The following GPR141 variants were observed in gnomAD, a reference collection of about 807,000 sequenced individuals.
GPR141 encodes the protein G protein-coupled receptor 141.
Under a neutral mutation model 6.8 loss-of-function variants are expected in GPR141, and 6 were observed. That is an observed-to-expected ratio of 0.88 (90% CI 0.48 to 1.74). The LOEUF (loss-of-function observed/expected upper bound fraction) is 1.74, where lower values mean the gene tolerates loss of function less well. Ranked by LOEUF, GPR141 falls within the 40% of genes most tolerant of loss-of-function variation. GPR141 has a pLI of 0.01. For missense variants in GPR141, 372 were observed against 372.9 expected (o/e 1.00, Z 0.02); for synonymous variants, 140 against 142.3 (o/e 0.98, Z 0.11).
At chr7:37,736,589 TG>T (rs1418343752) in intron 2 of GPR141, among the ~76,000 whole-genome samples, 1 of 150,594 alleles carries the variant, frequency 6.6e-6, no homozygotes, top group African/African-American at 2.4e-5. Context: ...ATAGAAGCAA[TG>T]GCAATATTGA....
At chr7:37,707,366 A>G (rs1424396140) in intron 2 of GPR141, among the ~76,000 whole-genome samples, 2 of 152,146 alleles carry the variant, frequency 1.3e-5, no homozygotes, top group Non-Finnish European at 2.9e-5. Flanking sequence ...CAAGTGGTAT[A>G]TATCCCACTG....
rs1812162154 is a variant in GPR141, at chr7:37,734,942, A to G, written c.-14-5438A>G. Among the ~76,000 whole-genome samples, 3 of 152,244 alleles carry G rather than the reference A, an allele frequency of 2.0e-5. No individual in the cohort carries two copies. In the South Asian group the frequency reaches 6.2e-4, roughly 31 times the overall value. On this transcript the variant is annotated intron_variant, in intron 2 of 2. Transcript: ENST00000334425. Reference sequence around the variant, plus strand: ...TGTACAAATAACAGTACTATAACATATTTACATTATAATTGAAATTTATAA... The same window carrying G: ...TGTACAAATAACAGTACTATAACATGTTTACATTATAATTGAAATTTATAA...
intron 2 of GPR141, among the ~76,000 whole-genome samples, chr7:37,694,891 A>G (rs79817074): frequency 0.037 from 5,670 of 152,242 alleles, 351 homozygotes; most frequent in African/African-American, 0.13. Context: ...TCAAATATCC[A>G]AACTACAGCT....
At chr7:37,698,655 AT>A (rs1169312960) in intron 2 of GPR141, among the ~76,000 whole-genome samples, 1 of 152,180 alleles carries the variant, frequency 6.6e-6, no homozygotes, top group Non-Finnish European at 1.5e-5. Flanking sequence ...AAAAGGGGGT[AT>A]TTGGTATTTT....
chr7:37,733,705 A>T (rs573495613), intron 2 of GPR141, among the ~76,000 whole-genome samples: 1 of 151,812 alleles, frequency 6.6e-6, no homozygotes, highest in South Asian at 2.1e-4. Flanking sequence ...AGAAAAGAAA[A>T]AAAAAGTATT....
intron 2 of GPR141, among the ~76,000 whole-genome samples, chr7:37,739,141 C>A (rs964518858): frequency 6.6e-6 from 1 of 152,140 alleles, no homozygotes; most frequent in South Asian, 2.1e-4. Flanking sequence ...GTTTGAGATT[C>A]ATCAGTATTG....
chr7:37,701,131 C>T (rs1300441194), intron 2 of GPR141, among the ~76,000 whole-genome samples: 1 of 152,174 alleles, frequency 6.6e-6, no homozygotes, highest in Non-Finnish European at 1.5e-5. Context: ...GGGGACAATA[C>T]ATCTTATGAT....
intron 2 of GPR141, among the ~76,000 whole-genome samples, chr7:37,703,443 C>G (rs1173958805): frequency 3.9e-5 from 6 of 152,104 alleles, no homozygotes; most frequent in Non-Finnish European, 8.8e-5. Flanking sequence ...CAGCTATTAT[C>G]TCTCAAAAAA....
At chr7:37,736,964 T>C (rs969130895) in intron 2 of GPR141, among the ~76,000 whole-genome samples, 2 of 151,796 alleles carry the variant, frequency 1.3e-5, no homozygotes, top group African/African-American at 4.9e-5. Flanking sequence ...ATTAGATATG[T>C]AGAAATAAAA....
intron 2 of GPR141, among the ~76,000 whole-genome samples, chr7:37,690,433 C>T (rs1229211928): frequency 1.3e-5 from 2 of 152,104 alleles, no homozygotes; most frequent in Non-Finnish European, 2.9e-5. Flanking sequence ...GTCCTTTCCC[C>T]TTTCACAGTG....
chr7:37,730,226 C>T (rs1033885850), intron 2 of GPR141, among the ~76,000 whole-genome samples: 1 of 152,138 alleles, frequency 6.6e-6, no homozygotes, highest in East Asian at 1.9e-4. Context: ...CATGAATTCA[C>T]TGAATCATTG....
chr7:37,728,541 G>A (rs756247308), intron 2 of GPR141, among the ~76,000 whole-genome samples: 3 of 152,018 alleles, frequency 2.0e-5, no homozygotes, highest in African/African-American at 7.2e-5. Flanking sequence ...CTCTGATGTT[G>A]GCTCTACCAT....
At position 37,741,396 on chromosome 7, in the gene GPR141, T is replaced by C. The variant is rs1812558515; in HGVS notation, c.*85T>C. The stretch of plus-strand genomic sequence containing the variant: ...GGAGGTAAGAATGGTATTTCATTAC[T>C]TGATCAAAACCATGCCTTGATGTAC... On this transcript the variant is annotated 3_prime_UTR_variant, in exon 3 of 3. Transcript: ENST00000334425. 1 of 1,043,018 alleles carries C rather than the reference T, an allele frequency of 9.6e-7. No individual in the cohort carries two copies. The highest frequency in any genetic ancestry group is 1.4e-6 in the Non-Finnish European group (1 of 717,346). 64.6% of individuals were successfully genotyped at this position (1,043,018 alleles called of 1,614,324 possible).
At chr7:37,688,120 G>A (rs974771676) in intron 2 of GPR141, among the ~76,000 whole-genome samples, 14 of 152,138 alleles carry the variant, frequency 9.2e-5, no homozygotes, top group Non-Finnish European at 1.9e-4. Flanking sequence ...TATATTGAAT[G>A]CTTCGTGTCA....
chr7:37,718,785 A>G (rs968768467), intron 2 of GPR141, among the ~76,000 whole-genome samples: 2 of 152,212 alleles, frequency 1.3e-5, no homozygotes, highest in Non-Finnish European at 2.9e-5. Flanking sequence ...CTCTTCTGAG[A>G]TCACAAGGGT....
intron 2 of GPR141, among the ~76,000 whole-genome samples, chr7:37,731,580 A>G (rs1811936882): frequency 6.6e-6 from 1 of 151,504 alleles, no homozygotes; most frequent in South Asian, 2.1e-4. Flanking sequence ...AGTAGCTGGG[A>G]CTACAGGCGC....
intron 2 of GPR141, among the ~76,000 whole-genome samples, chr7:37,690,799 T>C (rs1017781620): frequency 6.6e-6 from 1 of 152,144 alleles, no homozygotes; most frequent in African/African-American, 2.4e-5. Context: ...AGCCGCTAGA[T>C]GAAATGTTCT....
chr7:37,685,434 C>G (rs1233017020), intron 1 of GPR141, 26 bp from the exon 2 acceptor site: 1 of 142,806 alleles, frequency 7.0e-6, no homozygotes, highest in Non-Finnish European at 1.5e-5. Flanking sequence ...CCATCTCTCT[C>G]TCTCTTTCTC....
intron 2 of GPR141, among the ~76,000 whole-genome samples, chr7:37,702,274 A>G (rs897116953): frequency 6.6e-6 from 1 of 151,854 alleles, no homozygotes; most frequent in Non-Finnish European, 1.5e-5. Flanking sequence ...TTTGTTTACT[A>G]TTTGTCAATA....
Sources: gnomAD v4.1 joint callset for allele counts (sites outside exome capture counted in the v4.1 genomes callset) on GRCh38, gnomAD v4.1.1 for gene constraint, MANE v1.5 for transcripts, NCBI Gene and HGNC (gene_info 2026-07-23, HGNC 2026-07-21) for gene names.